The following ELOVL6 variants were observed in gnomAD, a reference collection of about 807,000 sequenced individuals.
ELOVL6 encodes very long chain fatty acid elongase 6.
A neutral mutation model predicts 31.7 loss-of-function variants in ELOVL6; 8 were observed. The ratio of observed to expected loss-of-function variants is 0.25; its 90% confidence interval spans 0.15 to 0.45. The LOEUF (loss-of-function observed/expected upper bound fraction) is 0.45. Among genes scored for constraint, ELOVL6 ranks in the 20% least tolerant of loss-of-function variants. The probability of loss-of-function intolerance (pLI) is 1.00; values close to 1 mark genes in which losing one functional copy is unlikely to be tolerated. For synonymous variants in ELOVL6, 101 were observed against 117.7 expected (o/e 0.86, Z 0.92); for missense variants, 126 against 326.4 (o/e 0.39, Z 4.73).
chr4:110,083,264 T>C (rs865854188), intron 2 of ELOVL6, among the ~76,000 whole-genome samples: 11 of 151,638 alleles, frequency 7.3e-5, no homozygotes, highest in African/African-American at 2.7e-4. Context: ...AAAGTGATAA[T>C]GGACTAGGGA....
rs1414657917 is a variant in ELOVL6 at position 110,084,191 on chromosome 4, A to T, written c.221+21306T>A. On this transcript the variant is annotated intron_variant, in intron 2 of 3. Transcript: ENST00000302274. ...GATATATATGATATATATAACATAT[A>T]ACTTATATGATATATATAACATATA... 2.3e-5 allele frequency among the ~76,000 whole-genome samples: 2 copies of T among 87,238 alleles called. 1 individual carries two copies. The highest frequency in any genetic ancestry group is 9.8e-5 in the African/African-American group (2 of 20,474). The allele number at this position is 87,238 out of a possible 152,430, so 57.2% of individuals were successfully genotyped here. A position where few individuals can be genotyped will look rare whatever the true frequency, so the allele number is the denominator to read the frequency against.
chr4:110,176,803 T>C (rs1759119831), intron 1 of ELOVL6, among the ~76,000 whole-genome samples: 1 of 152,324 alleles, frequency 6.6e-6, no homozygotes, highest in African/African-American at 2.4e-5. Context: ...AATGGCACGA[T>C]CTCGGCTCAC....
intron 1 of ELOVL6, among the ~76,000 whole-genome samples, chr4:110,153,273 G>A (rs1386717002): frequency 6.6e-6 from 1 of 152,182 alleles, no homozygotes; most frequent in Non-Finnish European, 1.5e-5. Context: ...CCATTCTGCA[G>A]AAAGTAGGTA....
At chr4:110,089,192 T>C (rs1454222886) in intron 2 of ELOVL6, among the ~76,000 whole-genome samples, 1 of 152,230 alleles carries the variant, frequency 6.6e-6, no homozygotes, top group East Asian at 1.9e-4. Flanking sequence ...AAATTAATAA[T>C]GAAATAGAAG....
chr4:110,122,815 T>C lies in ELOVL6; in HGVS notation c.90-17187A>G, dbSNP rs570321940. On this transcript the variant is annotated intron_variant, in intron 1 of 3. Coordinates refer to ENST00000302274, the MANE Select transcript of ELOVL6 (RefSeq NM_024090.3). ...AGACATCACGCCCCTTTGTCCCACT[T>C]TCCTTCGCACATGCTGTTCTCAGTA... is the stretch of plus-strand genomic sequence containing the variant. Among the ~76,000 whole-genome samples, 10 of 152,348 alleles carry C rather than the reference T, an allele frequency of 6.6e-5. No individual in the cohort carries two copies. The South Asian group carries it at 2.1e-3, about 32-fold the overall frequency.
At chr4:110,159,808 C>T (rs1758577892) in intron 1 of ELOVL6, among the ~76,000 whole-genome samples, 1 of 152,136 alleles carries the variant, frequency 6.6e-6, no homozygotes, top group Non-Finnish European at 1.5e-5. Flanking sequence ...GATGACTGCT[C>T]AAAAATTTTA....
At chr4:110,175,601 T>C (rs1451364163) in intron 1 of ELOVL6, among the ~76,000 whole-genome samples, 1 of 152,174 alleles carries the variant, frequency 6.6e-6, no homozygotes, top group Non-Finnish European at 1.5e-5. Flanking sequence ...ATATAACAAC[T>C]CTTATCAGGT....
chr4:110,127,406 C>CAAAAAAAAAAA (rs572027886), intron 1 of ELOVL6, among the ~76,000 whole-genome samples: 25 of 85,434 alleles, frequency 2.9e-4, no homozygotes, highest in East Asian at 7.9e-4. Context: ...GATTCCGTCT[C>CAAAAAAAAAAA]AAAAAAAAAA....
intron 1 of ELOVL6, among the ~76,000 whole-genome samples, chr4:110,151,217 ATTT>A (rs1318357162): frequency 6.9e-6 from 1 of 144,926 alleles, no homozygotes; most frequent in African/African-American, 2.5e-5. Context: ...CAGATTTCAG[ATTT>A]TTTTTTTTTT....
intron 1 of ELOVL6, among the ~76,000 whole-genome samples, chr4:110,150,576 CATTTTT>C (rs1373907366): frequency 6.6e-6 from 1 of 152,188 alleles, no homozygotes; most frequent in Admixed American, 6.5e-5. Context: ...AAAAATACTC[CATTTTT>C]ATTTTTAAAA....
At chr4:110,186,291 ATGCTATCATCT>A (rs1457296682) in intron 1 of ELOVL6, among the ~76,000 whole-genome samples, 1 of 152,242 alleles carries the variant, frequency 6.6e-6, no homozygotes, top group African/African-American at 2.4e-5. Context: ...CCACACAAAA[ATGCTATCATCT>A]ATAACCTTCT....
At chr4:110,162,331 C>T (rs756110898) in intron 1 of ELOVL6, among the ~76,000 whole-genome samples, 3 of 151,996 alleles carry the variant, frequency 2.0e-5, no homozygotes, top group Non-Finnish European at 4.4e-5. Flanking sequence ...TGAATATAGA[C>T]ATCTTGTGGG....
At chr4:110,058,382 T>G (rs1222068207) in intron 3 of ELOVL6, among the ~76,000 whole-genome samples, 1 of 152,192 alleles carries the variant, frequency 6.6e-6, no homozygotes, top group Non-Finnish European at 1.5e-5. Context: ...GGAAAGGTTT[T>G]CAGGAAAAAT....
chr4:110,056,900 G>A lies in ELOVL6; in HGVS notation c.373+2703C>T, dbSNP rs186173996. Reference sequence around the variant, plus strand: ...CTGAGGGGAATGGACATTTGGGCCTGGATTAAATTAAGACAGGTGATATTA... The same window carrying A: ...CTGAGGGGAATGGACATTTGGGCCTAGATTAAATTAAGACAGGTGATATTA... On this transcript the variant is annotated intron_variant, in intron 3 of 3. Coordinates refer to ENST00000302274, the MANE Select transcript of ELOVL6 (RefSeq NM_024090.3). Among the ~76,000 whole-genome samples, 6 of 152,142 alleles carry A rather than the reference G, an allele frequency of 3.9e-5. No individual in the cohort carries two copies. In the East Asian group the frequency reaches 1.2e-3, roughly 30 times the overall value.
At chr4:110,127,393 C>A (rs1339950318) in intron 1 of ELOVL6, among the ~76,000 whole-genome samples, 1 of 114,750 alleles carries the variant, frequency 8.7e-6, no homozygotes, top group East Asian at 2.7e-4. Context: ...GGTGACAGAG[C>A]GAGATTCCGT....
chr4:110,143,158 C>CAAAAG (rs1411450379), intron 1 of ELOVL6, among the ~76,000 whole-genome samples: 1 of 152,026 alleles, frequency 6.6e-6, no homozygotes, highest in African/African-American at 2.4e-5. Context: ...CATTAAAAAG[C>CAAAAG]AAAACAAAAC....
At chr4:110,137,846 T>A (rs1267973690) in intron 1 of ELOVL6, among the ~76,000 whole-genome samples, 1 of 152,202 alleles carries the variant, frequency 6.6e-6, no homozygotes, top group African/African-American at 2.4e-5. Context: ...ACAACAGAAC[T>A]GTGCACATTC....
chr4:110,186,852 T>C (rs1235043656), intron 1 of ELOVL6, among the ~76,000 whole-genome samples: 1 of 139,632 alleles, frequency 7.2e-6, no homozygotes, highest in Non-Finnish European at 1.5e-5. Context: ...TATTTATATA[T>C]ATACACACAC....
intron 1 of ELOVL6, among the ~76,000 whole-genome samples, chr4:110,120,960 C>G (rs1757339722): frequency 6.6e-6 from 1 of 152,098 alleles, no homozygotes; most frequent in Non-Finnish European, 1.5e-5. Context: ...GCCACCACGC[C>G]TGGCTAATTT....
Sources: allele counts gnomAD v4.1 joint callset (sites outside exome capture counted in the v4.1 genomes callset), GRCh38; gene constraint gnomAD v4.1.1; transcripts MANE v1.5; gene names NCBI Gene and HGNC (gene_info 2026-07-23, HGNC 2026-07-21).